Variants in PTPRN2 observed in about 807,000 individuals in gnomAD.
PTPRN2 encodes the protein protein tyrosine phosphatase receptor type N2, also known as receptor-type tyrosine-protein phosphatase N2.
In PTPRN2, 74 loss-of-function variants were observed where a neutral mutation model predicts 118.8. That is an observed-to-expected ratio of 0.62 (90% CI 0.52 to 0.76). PTPRN2 has a LOEUF of 0.76. Ranked by LOEUF, PTPRN2 falls within the 30% of genes least tolerant of loss-of-function variation. PTPRN2 has a pLI of 0.00. For synonymous variants in PTPRN2, 641 were observed against 608.0 expected, an observed-to-expected ratio of 1.05 and a Z score of -0.80; for missense variants, 1,481 against 1,394.4, an observed-to-expected ratio of 1.06 and a Z score of -0.99.
chr7:157,801,830 C>T lies in PTPRN2; in HGVS notation c.1788+96843G>A, dbSNP rs1271925103. Among the ~76,000 whole-genome samples, 1 of 152,140 alleles carries T rather than the reference C, an allele frequency of 6.6e-6. No homozygotes were observed. The highest frequency in any genetic ancestry group is 2.4e-5 in the African/African-American group (1 of 41,424). The stretch of plus-strand genomic sequence containing the variant: ...CTTGGTCCTTGGCTTCCTGTGTCTC[C>T]CCCAAAACACACGTGGCTTATCAGA... On this transcript the variant is annotated intron_variant, in intron 12 of 22. Transcript: ENST00000389418. The surrounding 1 kb of genome is among the most constrained non-coding windows in gnomAD (Gnocchi z 4.2).
chr7:158,479,643 A>G (rs1820520223), intron 2 of PTPRN2, among the ~76,000 whole-genome samples: 1 of 151,936 alleles, frequency 6.6e-6, no homozygotes, highest in African/African-American at 2.4e-5. Flanking sequence ...AAAACAGATG[A>G]GGTAGCAACT....
chr7:157,766,036 C>G (rs527321692), intron 12 of PTPRN2, among the ~76,000 whole-genome samples: 1 of 151,012 alleles, frequency 6.6e-6, no homozygotes, highest in South Asian at 2.1e-4. Flanking sequence ...TCCATCCAAC[C>G]AACCATTCAT....
intron 11 of PTPRN2, among the ~76,000 whole-genome samples, chr7:157,984,982 G>A (rs745556877): frequency 2.6e-5 from 4 of 152,094 alleles, no homozygotes; most frequent in Non-Finnish European, 5.9e-5. Context: ...CTGGCTGAGC[G>A]CCCACACTTC....
At chr7:157,621,539 A>G (rs2150641491) in intron 14 of PTPRN2, 30 bp from the exon 15 acceptor site, 1 of 1,607,918 alleles carries the variant, frequency 6.2e-7, no homozygotes, top group Non-Finnish European at 8.5e-7. Context: ...TCAGGAGCGC[A>G]CCTAGGTGGT....
intron 4 of PTPRN2, among the ~76,000 whole-genome samples, chr7:158,200,756 C>G (rs1826583202): frequency 6.6e-6 from 1 of 152,044 alleles, no homozygotes; most frequent in African/African-American, 2.4e-5. Context: ...AGTTTAAAAA[C>G]AACACATAAA....
chr7:158,225,436 G>A (rs950208299), intron 3 of PTPRN2, among the ~76,000 whole-genome samples: 6 of 152,056 alleles, frequency 3.9e-5, no homozygotes, highest in African/African-American at 7.2e-5. Flanking sequence ...GAATCTCCCC[G>A]GAACTGTGCT....
chr7:158,044,853 CA>C (rs1275051700), intron 11 of PTPRN2, among the ~76,000 whole-genome samples: 2 of 152,168 alleles, frequency 1.3e-5, no homozygotes, highest in African/African-American at 4.8e-5. Flanking sequence ...GCTGCAGGAG[CA>C]ACATTTAATT....
At chr7:158,124,042 G>T (rs751733723) in intron 9 of PTPRN2, among the ~76,000 whole-genome samples, 2 of 152,158 alleles carry the variant, frequency 1.3e-5, no homozygotes, top group Non-Finnish European at 2.9e-5. Context: ...CTCAGATCCC[G>T]TGCCGACATG....
intron 2 of PTPRN2, among the ~76,000 whole-genome samples, chr7:158,460,914 C>T (rs1037053591): frequency 3.3e-5 from 5 of 152,212 alleles, no homozygotes; most frequent in East Asian, 1.9e-4. Flanking sequence ...CAGAGAGAAA[C>T]GTGTGCACGC....
intron 12 of PTPRN2, among the ~76,000 whole-genome samples, chr7:157,888,778 C>T (rs2151301975): frequency 6.6e-6 from 1 of 152,334 alleles, no homozygotes; most frequent in Non-Finnish European, 1.5e-5. Flanking sequence ...TGGCTGCTCC[C>T]CTCAGGTCCC....
intron 12 of PTPRN2, among the ~76,000 whole-genome samples, chr7:157,776,507 C>T: frequency 2.1e-5 from 3 of 146,058 alleles, no homozygotes; most frequent in Non-Finnish European, 3.0e-5. Context: ...CCCTCTCCTC[C>T]TCCCTCTCCT....
In PTPRN2 at chr7:158,127,582, C is replaced by G. The variant is rs80181018; in HGVS notation, c.1556+6095G>C. 4.9e-3 allele frequency among the ~76,000 whole-genome samples: 748 copies of G among 152,350 alleles called. 24 individuals carry two copies. The East Asian group carries it at 0.097, about 20-fold the overall frequency. The stretch of plus-strand genomic sequence containing the variant: ...CGCCACCCCAGACTCAAGCCTCTGC[C>G]TCAGCTCCCATGTTTTCCTGACTAC... On this transcript the variant is annotated intron_variant, in intron 9 of 22. Coordinates refer to ENST00000389418, the MANE Select transcript of PTPRN2 (RefSeq NM_002847.5).
In PTPRN2 at chr7:157,690,675, C is replaced by G. The variant is rs1797432863; in HGVS notation, c.1789-7738G>C. 6.6e-6 allele frequency among the ~76,000 whole-genome samples: 1 copy of G among 151,696 alleles called. No homozygotes were observed. Reference sequence around the variant, plus strand: ...GCCATCATCACAGCCAGCTGCTTCCCTGCGCTGGAGCCACAGACTAGCGGG... The same window carrying G: ...GCCATCATCACAGCCAGCTGCTTCCGTGCGCTGGAGCCACAGACTAGCGGG... On this transcript the variant is annotated intron_variant, in intron 12 of 22. Transcript: ENST00000389418. This position sits in a 1 kb window ranked among gnomAD's most constrained non-coding sequence, Gnocchi z 7.1.
chr7:158,052,944 C>T (rs561012597), intron 11 of PTPRN2, among the ~76,000 whole-genome samples: 34 of 152,278 alleles, frequency 2.2e-4, no homozygotes, highest in Middle Eastern at 3.4e-3. Flanking sequence ...CGCCCTTCTG[C>T]GAACTGCACC....
chr7:157,870,328 T>C (rs77537529), intron 12 of PTPRN2, among the ~76,000 whole-genome samples: 2,598 of 152,336 alleles, frequency 0.017, 84 homozygotes, highest in African/African-American at 0.058. Context: ...GGTCTGCCAC[T>C]ATAGGATTCA....
At position 157,590,335 on chromosome 7, in the gene PTPRN2, T is replaced by A. The variant is rs145285413; in HGVS notation, c.2496+4903A>T. On this transcript the variant is annotated intron_variant, in intron 17 of 22. Transcript: ENST00000389418. The surrounding 1 kb of genome is among the most constrained non-coding windows in gnomAD (Gnocchi z 4.0). ...GTAACACTGATTTCTGAACTGTAAC[T>A]CAGACTTCCACAGACCCCTCTGAGC... Among the ~76,000 whole-genome samples, 402 of 152,322 alleles carry A rather than the reference T, an allele frequency of 2.6e-3. 3 individuals carry two copies. The highest frequency in any genetic ancestry group is 9.2e-3 in the African/African-American group (382 of 41,564).
intron 6 of PTPRN2, among the ~76,000 whole-genome samples, chr7:158,164,605 C>T (rs942450864): frequency 2.0e-5 from 3 of 152,088 alleles, no homozygotes; most frequent in African/African-American, 4.8e-5. Context: ...GTGAGCTCAC[C>T]CTCACCCGGC....
At chr7:158,069,515 C>G (rs796365664) in intron 11 of PTPRN2, among the ~76,000 whole-genome samples, 4 of 151,376 alleles carry the variant, frequency 2.6e-5, no homozygotes, top group African/African-American at 9.7e-5. Flanking sequence ...TTCTTTACCC[C>G]CCAAAGTGCT....
chr7:158,085,119 C>A (rs183884964), intron 10 of PTPRN2, among the ~76,000 whole-genome samples: 1 of 139,958 alleles, frequency 7.1e-6, no homozygotes, highest in Non-Finnish European at 1.5e-5. Flanking sequence ...ACACCCATGA[C>A]GCCCATCCAC....
Sources: gnomAD v4.1 joint callset for allele counts (sites outside exome capture counted in the v4.1 genomes callset) on GRCh38, gnomAD v4.1.1 for gene constraint, Gnocchi (gnomAD v3.1) non-coding constraint, MANE v1.5 for transcripts, NCBI Gene and HGNC (gene_info 2026-07-23, HGNC 2026-07-21) for gene names.